MIPOL1: variants seen among roughly 807,000 people sequenced by gnomAD.
The protein encoded by MIPOL1 is mirror-image polydactyly gene 1 protein.
In MIPOL1, 57 loss-of-function variants were observed where a neutral mutation model predicts 60.9. The ratio of observed to expected loss-of-function variants is 0.94; its 90% CI spans 0.76 to 1.17. The LOEUF (loss-of-function observed/expected upper bound fraction) is 1.17, where lower values mean the gene tolerates loss of function less well. Among genes scored for constraint, MIPOL1 ranks in the 50% most tolerant of loss-of-function variants. MIPOL1 has a pLI of 0.00. For missense variants in MIPOL1, 551 were observed against 511.6 expected (o/e 1.08, Z -0.74); for synonymous variants, 179 against 168.8 (o/e 1.06, Z -0.47).
In MIPOL1 at chr14:37,411,991, G is replaced by A. The variant is rs75661411; in HGVS notation, c.937-10864G>A. On this transcript the variant is annotated intron_variant, in intron 10 of 12. Coordinates refer to ENST00000684589, the MANE Select transcript of MIPOL1 (RefSeq NM_001388067.1). ...CTTTTTATCATTGCATAATAATCCT[G>A]TGAGATGGATATTATCACTTTCATG... 4.7e-3 allele frequency among the ~76,000 whole-genome samples: 721 copies of A among 152,172 alleles called. 4 individuals are homozygous for A. The highest frequency in any genetic ancestry group is 0.015 in the African/African-American group (638 of 41,522).
intron 9 of MIPOL1, among the ~76,000 whole-genome samples, chr14:37,317,409 A>G (rs1438838838): frequency 6.6e-6 from 1 of 152,138 alleles, no homozygotes; most frequent in Non-Finnish European, 1.5e-5. Flanking sequence ...AAGTTGTGTG[A>G]TTTCCTTTAG....
chr14:37,546,971 AT>A lies in MIPOL1; in HGVS notation c.*2del, dbSNP rs1387831863. The A allele has an allele frequency of 1.3e-6, 2 of 1,585,616 alleles. No individual in the cohort carries two copies. Among genetic ancestry groups the A allele is most frequent in the Non-Finnish European group, 1.7e-6 (2 of 1,157,492 alleles). ...CCGGGACCATGAGGACAGTGATCTG[AT>A]TGAAAAAAAACGACAGTCTGGGGAA... On this transcript the variant is annotated 3_prime_UTR_variant, in exon 13 of 13. Coordinates refer to ENST00000684589, the MANE Select transcript of MIPOL1 (RefSeq NM_001388067.1).
Position 37,548,902 on chromosome 14 carries a change from T to G in MIPOL1, c.*1931T>G, listed in dbSNP as rs1018192537. ...TGCAGAACTTTTATAGAATATGATA[T>G]TATAAAGTTAAATTTGCAAAATAAT... On this transcript the variant is annotated 3_prime_UTR_variant, in exon 13 of 13. Transcript: ENST00000684589. 3 of 152,010 alleles carry G rather than the reference T, an allele frequency of 2.0e-5. No individual in the cohort carries two copies. The highest frequency in any genetic ancestry group is 4.4e-5 in the Non-Finnish European group (3 of 67,860). 9.4% of individuals were successfully genotyped at this position (152,010 alleles called of 1,614,324 possible). A position where few individuals can be genotyped will look rare whatever the true frequency, so the allele number is the denominator to read the frequency against.
intron 5 of MIPOL1, 148 bp from the exon 6 acceptor site, chr14:37,270,270 CTT>C (rs770875654): frequency 4.9e-6 from 2 of 410,574 alleles, no homozygotes; most frequent in Non-Finnish European, 4.4e-6. Flanking sequence ...TTATAAATAA[CTT>C]AAATTTTAAA....
At chr14:37,462,673 A>G (rs998428103) in intron 11 of MIPOL1, among the ~76,000 whole-genome samples, 1 of 152,134 alleles carries the variant, frequency 6.6e-6, no homozygotes, top group Non-Finnish European at 1.5e-5. Context: ...GATACCCTAA[A>G]TCATGTCTCT....
rs937912602 is a variant in MIPOL1 at position 37,225,007 on chromosome 14, CAAATATT to C, written c.-198-22092_-198-22086del. The stretch of plus-strand genomic sequence containing the variant: ...CAAGCCCAAAATCCAGTGGGGCAGT[CAAATATT>C]AAAGTTCCAGAATGATCTCCTTTGA... On this transcript the variant is annotated intron_variant, in intron 1 of 12. Coordinates refer to ENST00000684589, the MANE Select transcript of MIPOL1 (RefSeq NM_001388067.1). 3.3e-5 allele frequency among the ~76,000 whole-genome samples: 5 copies of C among 152,158 alleles called. 1 individual carries two copies. The highest frequency in any genetic ancestry group is 1.3e-4 in the Admixed American group (2 of 15,272).
rs1228535289 is a variant in MIPOL1 at position 37,198,025 on chromosome 14, C to G, written c.-278C>G. The G allele has an allele frequency of 6.6e-6, 1 of 152,254 alleles. No homozygotes were observed. Among genetic ancestry groups the G allele is most frequent in the Non-Finnish European group, 1.5e-5 (1 of 68,096 alleles). The allele number at this position is 152,254 out of a possible 1,614,324, so 9.4% of individuals were successfully genotyped here. ...CTCTGAGCCAGTGGCGATTGGCTGA[C>G]GCGGTGGCTGCGCACTCGGCCTGAG... On this transcript the variant is annotated 5_prime_UTR_variant, in exon 1 of 13. Coordinates refer to ENST00000684589, the MANE Select transcript of MIPOL1 (RefSeq NM_001388067.1).
chr14:37,387,797 A>G (rs564500146), intron 10 of MIPOL1, among the ~76,000 whole-genome samples: 1 of 152,040 alleles, frequency 6.6e-6, no homozygotes, highest in East Asian at 1.9e-4. Context: ...GAATGTATTT[A>G]TTATAAAATA....
chr14:37,252,641 C>T (rs892713416), intron 3 of MIPOL1, among the ~76,000 whole-genome samples: 8 of 151,828 alleles, frequency 5.3e-5, no homozygotes, highest in Non-Finnish European at 1.0e-4. Flanking sequence ...CCACCATCAA[C>T]CTCTTGTATT....
intron 10 of MIPOL1, among the ~76,000 whole-genome samples, chr14:37,417,699 G>T (rs1361782913): frequency 6.6e-6 from 1 of 152,092 alleles, no homozygotes; most frequent in Non-Finnish European, 1.5e-5. Flanking sequence ...CTAACTTGAT[G>T]TATTGTTTGA....
At chr14:37,231,404 A>G (rs2153315003) in intron 1 of MIPOL1, among the ~76,000 whole-genome samples, 1 of 152,310 alleles carries the variant, frequency 6.6e-6, no homozygotes, top group Non-Finnish European at 1.5e-5. Context: ...TTCAATATAC[A>G]GTTGAAATTA....
At chr14:37,496,694 A>C (rs1467043139) in intron 11 of MIPOL1, among the ~76,000 whole-genome samples, 1 of 151,988 alleles carries the variant, frequency 6.6e-6, no homozygotes, top group Non-Finnish European at 1.5e-5. Context: ...CATGGGTAGG[A>C]ATAATCAATA....
In MIPOL1 at chr14:37,313,641, G is replaced by A. The variant is rs113383153; in HGVS notation, c.828+5122G>A. Among the ~76,000 whole-genome samples the A allele has an allele frequency of 2.2e-3, 332 of 152,214 alleles. 1 individual carries two copies. The highest frequency in any genetic ancestry group is 7.5e-3 in the African/African-American group (310 of 41,532). On this transcript the variant is annotated intron_variant, in intron 9 of 12. Coordinates refer to ENST00000684589, the MANE Select transcript of MIPOL1 (RefSeq NM_001388067.1). The stretch of plus-strand genomic sequence containing the variant: ...TGTCATAGAGACTTAGAGTACAGCA[G>A]GTATAAAGGAAGAAAGTGGTAAATT...
chr14:37,328,017 TTTC>T (rs550908077), intron 9 of MIPOL1, among the ~76,000 whole-genome samples: 82 of 144,516 alleles, frequency 5.7e-4, no homozygotes, highest in Non-Finnish European at 1.1e-3. Context: ...AATTTTCTGT[TTTC>T]TTTTTTTTTG....
At chr14:37,436,839 C>G (rs2094170801) in intron 11 of MIPOL1, among the ~76,000 whole-genome samples, 1 of 152,106 alleles carries the variant, frequency 6.6e-6, no homozygotes, top group South Asian at 2.1e-4. Flanking sequence ...ATTCCAGATT[C>G]AATTATATGT....
intron 1 of MIPOL1, among the ~76,000 whole-genome samples, chr14:37,206,962 G>A (rs993886411): frequency 5.9e-5 from 9 of 152,196 alleles, no homozygotes; most frequent in African/African-American, 1.9e-4. Context: ...GACTTGCCTT[G>A]TCTTGGATGA....
intron 10 of MIPOL1, among the ~76,000 whole-genome samples, chr14:37,377,922 T>C (rs1411664499): frequency 1.3e-5 from 2 of 151,944 alleles, no homozygotes; most frequent in Admixed American, 1.3e-4. Context: ...ACTCTGACTT[T>C]ACTATTTTTA....
rs144026258 is a variant in MIPOL1, at chr14:37,357,638, T to C, written c.829-11879T>C. ...TCTTTTCCAATAGAGTTGTTTGAGC[T>C]CCTTATATATCCTGGTTGTTAATTC... On this transcript the variant is annotated intron_variant, in intron 9 of 12. Coordinates refer to ENST00000684589, the MANE Select transcript of MIPOL1 (RefSeq NM_001388067.1). 8.5e-5 allele frequency among the ~76,000 whole-genome samples: 13 copies of C among 152,266 alleles called. 1 individual carries two copies. In the East Asian group the frequency reaches 2.5e-3, roughly 29 times the overall value.
At chr14:37,542,757 G>C (rs2095534448) in intron 12 of MIPOL1, among the ~76,000 whole-genome samples, 1 of 152,060 alleles carries the variant, frequency 6.6e-6, no homozygotes, top group African/African-American at 2.4e-5. Flanking sequence ...ATAAAGATCT[G>C]CTTTCCCACC....
Sources: gnomAD v4.1 joint callset for allele counts (sites outside exome capture counted in the v4.1 genomes callset) on GRCh38, gnomAD v4.1.1 for gene constraint, MANE v1.5 for transcripts, NCBI Gene and HGNC (gene_info 2026-07-23, HGNC 2026-07-21) for gene names.